LUZP2: variants seen among roughly 807,000 people sequenced by gnomAD.
LUZP2 encodes leucine zipper protein 2.
In LUZP2, 52 loss-of-function variants were observed where a neutral mutation model predicts 51.6. The observed-to-expected ratio is 1.01, with a 90% CI of 0.81 to 1.27. The LOEUF (loss-of-function observed/expected upper bound fraction) is 1.27, where lower values mean the gene tolerates loss of function less well. Ranked by LOEUF, LUZP2 falls within the 50% of genes most tolerant of loss-of-function variation. LUZP2 has a pLI of 0.00. For missense variants in LUZP2, 436 were observed against 395.4 expected, an observed-to-expected ratio of 1.10 and a Z score of -0.87; for synonymous variants, 154 against 137.3, an observed-to-expected ratio of 1.12 and a Z score of -0.85.
intron 1 of LUZP2, chr11:24,646,678 A>G (rs1357998536): frequency 7.5e-6 from 6 of 802,682 alleles, no homozygotes; most frequent in Admixed American, 6.3e-5. Flanking sequence ...CAACTCCCCA[A>G]AAGACTGTTG....
intron 5 of LUZP2, among the ~76,000 whole-genome samples, chr11:24,862,809 A>G (rs1320264881): frequency 6.6e-6 from 1 of 152,244 alleles, no homozygotes; most frequent in East Asian, 1.9e-4. Flanking sequence ...TTCAAATTGT[A>G]TCTAATAAAG....
At chr11:24,986,418 A>C (rs1015510551) in intron 9 of LUZP2, among the ~76,000 whole-genome samples, 7 of 151,432 alleles carry the variant, frequency 4.6e-5, no homozygotes, top group Admixed American at 6.6e-5. Context: ...TCTCTTTGCA[A>C]TTTGTGTTCA....
At chr11:24,658,974 G>C (rs1397742864) in intron 1 of LUZP2, among the ~76,000 whole-genome samples, 1 of 152,172 alleles carries the variant, frequency 6.6e-6, no homozygotes, top group Non-Finnish European at 1.5e-5. Context: ...CTGTTGGTGG[G>C]ACTGTAAACT....
chr11:24,628,291 G>T (rs1295630169), intron 1 of LUZP2, among the ~76,000 whole-genome samples: 1 of 151,808 alleles, frequency 6.6e-6, no homozygotes, highest in East Asian at 1.9e-4. Context: ...GAAACATGCT[G>T]GTCTTTGATC....
chr11:24,658,470 C>A (rs900919866), intron 1 of LUZP2, among the ~76,000 whole-genome samples: 3 of 152,128 alleles, frequency 2.0e-5, no homozygotes, highest in African/African-American at 4.8e-5. Context: ...ACCATAAAAA[C>A]CCTAGAAGAA....
At chr11:24,871,655 G>A (rs1852077954) in intron 5 of LUZP2, among the ~76,000 whole-genome samples, 1 of 151,880 alleles carries the variant, frequency 6.6e-6, no homozygotes, top group Non-Finnish European at 1.5e-5. Flanking sequence ...TTCCCCAAAT[G>A]TATTTAATCA....
At chr11:24,926,721 G>T (rs1316808585) in intron 7 of LUZP2, among the ~76,000 whole-genome samples, 2 of 149,290 alleles carry the variant, frequency 1.3e-5, no homozygotes, top group Non-Finnish European at 3.0e-5. Context: ...TATCTTTTTT[G>T]CATAATGACT....
chr11:24,759,571 T>C (rs771756696), intron 4 of LUZP2, among the ~76,000 whole-genome samples: 1 of 152,170 alleles, frequency 6.6e-6, no homozygotes, highest in Non-Finnish European at 1.5e-5. Flanking sequence ...GTATGAACAA[T>C]GCGTGCAGTA....
intron 1 of LUZP2, among the ~76,000 whole-genome samples, chr11:24,502,201 G>T (rs540609822): frequency 7.2e-6 from 1 of 139,646 alleles, no homozygotes. Context: ...AAATCTTTGT[G>T]ATTGATTTGG....
intron 5 of LUZP2, chr11:24,890,894 C>CTT (rs34323542): frequency 0.064 from 46,952 of 733,486 alleles, 922 homozygotes; most frequent in African/African-American, 0.18. Context: ...AGTAAAAGTT[C>CTT]TTTTTTTTTT....
chr11:24,682,752 T>C (rs1856784190), intron 1 of LUZP2, among the ~76,000 whole-genome samples: 1 of 151,884 alleles, frequency 6.6e-6, no homozygotes, highest in African/African-American at 2.4e-5. Context: ...ATGCCTGTAA[T>C]CCCAGCACGT....
chr11:24,762,875 G>T (rs1860032362), intron 4 of LUZP2: 2 of 423,436 alleles, frequency 4.7e-6, no homozygotes, highest in Admixed American at 1.3e-4. Flanking sequence ...TAATTACCTG[G>T]AGTGTTTTAG....
chr11:24,885,422 A>C (rs1322967482), intron 5 of LUZP2, among the ~76,000 whole-genome samples: 3 of 152,114 alleles, frequency 2.0e-5, no homozygotes, highest in Admixed American at 6.6e-5. Context: ...TGAAAGAGAA[A>C]ACAAGGACTC....
At chr11:24,747,501 T>G (rs1859424574) in intron 4 of LUZP2, among the ~76,000 whole-genome samples, 1 of 152,044 alleles carries the variant, frequency 6.6e-6, no homozygotes, top group South Asian at 2.1e-4. Flanking sequence ...GGTGGTTTCA[T>G]GTTCTATTTT....
At chr11:24,767,216 G>T (rs547412631) in intron 5 of LUZP2, among the ~76,000 whole-genome samples, 2 of 152,020 alleles carry the variant, frequency 1.3e-5, no homozygotes, top group Non-Finnish European at 2.9e-5. Flanking sequence ...TGCAAAATTG[G>T]ACTCATAATT....
chr11:24,535,969 C>A (rs943160677), intron 1 of LUZP2, among the ~76,000 whole-genome samples: 1 of 151,548 alleles, frequency 6.6e-6, no homozygotes, highest in Non-Finnish European at 1.5e-5. Context: ...ATAGGATGAA[C>A]GTTGTGTTAG....
At chr11:24,918,364 A>G (rs1429359948) in intron 7 of LUZP2, among the ~76,000 whole-genome samples, 1 of 152,052 alleles carries the variant, frequency 6.6e-6, no homozygotes, top group East Asian at 1.9e-4. Context: ...CAGAACTTCC[A>G]ACACTATGTT....
At chr11:25,026,150 G>C (rs894685555) in intron 9 of LUZP2, among the ~76,000 whole-genome samples, 1 of 145,380 alleles carries the variant, frequency 6.9e-6, no homozygotes, top group Non-Finnish European at 1.5e-5. Context: ...CATGGGGTAG[G>C]GGGAGGGGGG....
intron 5 of LUZP2, among the ~76,000 whole-genome samples, chr11:24,872,403 A>G (rs1225355659): frequency 3.9e-5 from 6 of 152,106 alleles, no homozygotes; most frequent in African/African-American, 1.4e-4. Flanking sequence ...CAGCTGTATT[A>G]CCTAATCTAA....
Sources: gnomAD v4.1 joint callset for allele counts (sites outside exome capture counted in the v4.1 genomes callset) on GRCh38, gnomAD v4.1.1 for gene constraint, MANE v1.5 for transcripts, NCBI Gene and HGNC (gene_info 2026-07-23, HGNC 2026-07-21) for gene names.